PPP1R13B: variants seen among roughly 807,000 people sequenced by gnomAD.
PPP1R13B encodes the protein apoptosis-stimulating of p53 protein 1.
A neutral mutation model predicts 119.8 loss-of-function variants in PPP1R13B; 44 were observed. The ratio of observed to expected loss-of-function variants is 0.37; its 90% CI spans 0.29 to 0.47. The LOEUF (loss-of-function observed/expected upper bound fraction) is 0.47. Ranked by LOEUF, PPP1R13B falls within the 20% of genes least tolerant of loss-of-function variation. The probability of loss-of-function intolerance (pLI) is 0.99; values close to 1 mark genes in which losing one functional copy is unlikely to be tolerated. For missense variants in PPP1R13B, 1,227 were observed against 1,413.5 expected, an observed-to-expected ratio of 0.87 and a Z score of 2.12; for synonymous variants, 542 against 561.5, an observed-to-expected ratio of 0.97 and a Z score of 0.49.
At chr14:103,779,285 C>A (rs575918391) in intron 3 of PPP1R13B, among the ~76,000 whole-genome samples, 40 of 151,512 alleles carry the variant, frequency 2.6e-4, no homozygotes, top group African/African-American at 9.5e-4. Flanking sequence ...CCAGCCTGGG[C>A]AACAGAGCAA....
intron 1 of PPP1R13B, among the ~76,000 whole-genome samples, chr14:103,832,743 G>A (rs1050590490): frequency 6.6e-6 from 1 of 152,198 alleles, no homozygotes; most frequent in Non-Finnish European, 1.5e-5. Context: ...AAGGGGGGGC[G>A]GGGTGCAGGG....
rs561714211 is a variant in PPP1R13B, at chr14:103,817,186, C to T, written c.10-19668G>A. On this transcript the variant is annotated intron_variant, in intron 1 of 16. Transcript: ENST00000202556. ...CCTCAGGCCTTGTGGAATCTAAATT[C>T]GGGCACTAATGACATGAGCCATGAT... Among the ~76,000 whole-genome samples, 13 of 152,248 alleles carry T rather than the reference C, an allele frequency of 8.5e-5. No individual in the cohort carries two copies. The South Asian group carries it at 2.7e-3, about 32-fold the overall frequency.
At chr14:103,841,639 T>A (rs770679907) in intron 1 of PPP1R13B, among the ~76,000 whole-genome samples, 4 of 152,164 alleles carry the variant, frequency 2.6e-5, no homozygotes, top group Admixed American at 6.6e-5. Flanking sequence ...GTCCTGTCTT[T>A]GGTGTTTGTT....
At position 103,749,637 on chromosome 14, in the gene PPP1R13B, G is replaced by A. The variant is rs542660585; in HGVS notation, c.969+157C>T. Among the ~76,000 whole-genome samples, 11 of 152,346 alleles carry A rather than the reference G, an allele frequency of 7.2e-5. No homozygotes were observed. The South Asian group carries it at 1.4e-3, about 20-fold the overall frequency. ...CACCAGGAAATAAATGAGTCACTGG[G>A]AGAAGGAACTCTGTTCTGTCATTTT... On this transcript the variant is annotated intron_variant, in intron 8 of 16. Transcript: ENST00000202556.
intron 3 of PPP1R13B, among the ~76,000 whole-genome samples, chr14:103,784,560 G>A (rs1280556330): frequency 1.2e-4 from 16 of 129,378 alleles, no homozygotes; most frequent in African/African-American, 4.0e-4. Context: ...TCCAGCCTGG[G>A]CGACAGAGTG....
At position 103,782,155 on chromosome 14, in the gene PPP1R13B, A is replaced by T. The variant is rs532770439; in HGVS notation, c.277+2640T>A. Among the ~76,000 whole-genome samples, 19 of 152,302 alleles carry T rather than the reference A, an allele frequency of 1.2e-4. No homozygotes were observed. The East Asian group carries it at 3.3e-3, about 26-fold the overall frequency. ...GCCAACAACATCCCCAGTTGCGTAGATATCTTTCCAAAACTGCTTTATACA... is the reference window on the plus strand; with the variant it reads ...GCCAACAACATCCCCAGTTGCGTAGTTATCTTTCCAAAACTGCTTTATACA... On this transcript the variant is annotated intron_variant, in intron 3 of 16. Coordinates refer to ENST00000202556, the MANE Select transcript of PPP1R13B (RefSeq NM_015316.3).
intron 2 of PPP1R13B, chr14:103,794,623 C>T (rs1007240218): frequency 2.4e-5 from 11 of 449,614 alleles, no homozygotes; most frequent in African/African-American, 1.0e-4. Context: ...CCACAGTGCC[C>T]GGCCAGGTGC....
intron 1 of PPP1R13B, among the ~76,000 whole-genome samples, chr14:103,834,324 C>T (rs2086725852): frequency 2.0e-5 from 3 of 152,116 alleles, no homozygotes; most frequent in African/African-American, 7.2e-5. Flanking sequence ...TGCAGTGAGC[C>T]AAGATCATGC....
chr14:103,825,781 C>G (rs2086523267), intron 1 of PPP1R13B, among the ~76,000 whole-genome samples: 1 of 151,974 alleles, frequency 6.6e-6, no homozygotes, highest in South Asian at 2.1e-4. Flanking sequence ...TCCAGAAGAT[C>G]CAGCTACAAT....
At chr14:103,847,611 C>A (rs1446076728), upstream of PPP1R13B, 6 of 986,350 alleles carry the variant, frequency 6.1e-6, no homozygotes, top group Non-Finnish European at 7.2e-6. Flanking sequence ...TCAGCCCCCG[C>A]AGGCCCCGCC....
intron 1 of PPP1R13B, among the ~76,000 whole-genome samples, chr14:103,803,418 C>T (rs923860527): frequency 1.3e-5 from 2 of 152,228 alleles, no homozygotes; most frequent in African/African-American, 4.8e-5. Flanking sequence ...CCAAGGCAGG[C>T]GGATCACTAG....
At chr14:103,810,441 A>G (rs1567141205) in intron 1 of PPP1R13B, among the ~76,000 whole-genome samples, 1 of 151,766 alleles carries the variant, frequency 6.6e-6, no homozygotes, top group African/African-American at 2.4e-5. Context: ...TCTAGAATAA[A>G]GAACAGTATC....
intron 15 of PPP1R13B, chr14:103,736,688 C>T (rs577846967): frequency 1.3e-3 from 212 of 157,466 alleles, no homozygotes; most frequent in African/African-American, 4.7e-3. Context: ...GCTTCCCTTC[C>T]CTGTGGTGGT....
intron 1 of PPP1R13B, among the ~76,000 whole-genome samples, chr14:103,802,784 C>T (rs1461070814): frequency 1.3e-5 from 2 of 152,098 alleles, no homozygotes; most frequent in Non-Finnish European, 2.9e-5. Flanking sequence ...GGGAGAGGCA[C>T]GATGACAGGT....
At chr14:103,797,657 A>T in intron 1 of PPP1R13B, 139 bp from the exon 2 acceptor site, 1 of 479,292 alleles carries the variant, frequency 2.1e-6, no homozygotes, top group Non-Finnish European at 3.7e-6. Flanking sequence ...ATAATAGATA[A>T]GCTGATTCTA....
At chr14:103,744,233 C>T (rs900846536) in intron 9 of PPP1R13B, among the ~76,000 whole-genome samples, 1 of 152,194 alleles carries the variant, frequency 6.6e-6, no homozygotes, top group Non-Finnish European at 1.5e-5. Flanking sequence ...CAGAAGAAGG[C>T]AAGAGGTACA....
At chr14:103,739,794 G>T in intron 12 of PPP1R13B, 30 bp downstream of exon 12, 2 of 1,561,008 alleles carry the variant, frequency 1.3e-6, no homozygotes, top group Non-Finnish European at 1.7e-6. Flanking sequence ...GACCAGGAAG[G>T]CCAGGCTTTG....
Position 103,746,492 on chromosome 14 carries a change from G to A in PPP1R13B, c.1031C>T (p.Ala344Val). The part of the protein sequence containing the change: ...QSPLSTSGRV[A>V]AVGPYIQVPS... ...AACCTGGATATAAGGCCCCACAGCAGCGACCCTGCCCGATGTGCTCAGAGG... is the reference window on the plus strand; with the variant it reads ...AACCTGGATATAAGGCCCCACAGCAACGACCCTGCCCGATGTGCTCAGAGG... Residue 344 changes from alanine to valine, a missense_variant, in exon 9 of 17, where the codon GCT (alanine) becomes GTT (valine). Physicochemically the swap from Ala to Val is moderately conservative, Grantham distance 64. Transcript: ENST00000202556. The A allele has an allele frequency of 1.2e-6, 2 of 1,614,112 alleles. No individual in the cohort carries two copies. The highest frequency in any genetic ancestry group is 1.6e-4 in the Middle Eastern group (1 of 6,062).
At chr14:103,837,762 T>C (rs1431099198) in intron 1 of PPP1R13B, among the ~76,000 whole-genome samples, 2 of 152,214 alleles carry the variant, frequency 1.3e-5, no homozygotes, top group African/African-American at 4.8e-5. Context: ...CCAATAATTC[T>C]GGCTCTAGAA....
Sources: allele counts gnomAD v4.1 joint callset (sites outside exome capture counted in the v4.1 genomes callset), GRCh38; gene constraint gnomAD v4.1.1; transcripts MANE v1.5; gene names NCBI Gene and HGNC (gene_info 2026-07-23, HGNC 2026-07-21).